The following MYT1 variants were observed in gnomAD, a reference collection of about 807,000 sequenced individuals.
MYT1 encodes the protein myelin transcription factor I.
A neutral mutation model predicts 123.0 loss-of-function variants in MYT1; 23 were observed. The observed-to-expected ratio is 0.19, with a 90% CI of 0.13 to 0.26. MYT1 has a LOEUF of 0.26. MYT1 is among the 10% of genes least tolerant of loss of function. The pLI is 1.00. For missense variants in MYT1, 1,125 were observed against 1,472.5 expected (o/e 0.76, Z 3.86); for synonymous variants, 518 against 575.3 (o/e 0.90, Z 1.43).
chr20:64,232,456 G>T lies in MYT1; in HGVS notation c.2897+71G>T. The T allele has an allele frequency of 6.7e-7, 1 of 1,489,092 alleles. No individual in the cohort carries two copies. Among genetic ancestry groups the T allele is most frequent in the Non-Finnish European group, 9.3e-7 (1 of 1,075,834 alleles). The allele number at this position is 1,489,092 out of a possible 1,614,324, so 92.2% of individuals were successfully genotyped here. On this transcript the variant is annotated intron_variant, in intron 19 of 22. Transcript: ENST00000328439. This position sits in a 1 kb window ranked among gnomAD's most constrained non-coding sequence, Gnocchi z 6.9. ...CCCTCGCCTGGGGCCTGGGGCTGAA[G>T]CTCCTGAGGGAGGGCCAGACCAGGG...
chr20:64,239,703 C>T, intron 21 of MYT1, 57 bp from the exon 22 acceptor site: 1 of 1,607,600 alleles, frequency 6.2e-7, no homozygotes, highest in Admixed American at 1.7e-5. Context: ...CCAGAGAGGA[C>T]CCCCAGGAGG....
At chr20:64,197,794 C>T (rs1441601513) in intron 2 of MYT1, among the ~76,000 whole-genome samples, 2 of 152,352 alleles carry the variant, frequency 1.3e-5, no homozygotes, top group East Asian at 3.9e-4. Context: ...GGGGGCTCCC[C>T]CATGACTCCC....
chr20:64,206,795 G>A (rs887573377), intron 6 of MYT1, among the ~76,000 whole-genome samples: 19 of 152,334 alleles, frequency 1.2e-4, no homozygotes, highest in African/African-American at 2.9e-4. Flanking sequence ...TTTCCCCTCC[G>A]AAGTAGGTGG....
At chr20:64,187,622 T>A (rs1982851883) in intron 1 of MYT1, among the ~76,000 whole-genome samples, 1 of 152,274 alleles carries the variant, frequency 6.6e-6, no homozygotes, top group South Asian at 2.1e-4. Context: ...GAGCTTTGTC[T>A]GGGGTGGAGC....
At chr20:64,210,359 G>T (rs1390003263) in intron 7 of MYT1, among the ~76,000 whole-genome samples, 2 of 152,260 alleles carry the variant, frequency 1.3e-5, no homozygotes, top group African/African-American at 4.8e-5. Flanking sequence ...GGGCACAGAT[G>T]CTGCGAGAAT....
chr20:64,227,761 C>T (rs1007430208), intron 17 of MYT1, 127 bp from the exon 18 acceptor site: 26 of 834,852 alleles, frequency 3.1e-5, no homozygotes, highest in South Asian at 5.4e-5. Context: ...ACTGACCCAT[C>T]GGTTGCCCTC....
rs6090071 is a variant in MYT1, at chr20:64,208,498, G to T, written c.1291+11G>T. 1.3e-6 allele frequency: 2 copies of T among 1,575,582 alleles called. No homozygotes were observed. Among genetic ancestry groups the T allele is most frequent in the Non-Finnish European group, 1.7e-6 (2 of 1,158,048 alleles). ...GTTACTACAGTAAAGGTAGGGCTCA[G>T]GGGTGGCCTGGCCCTGCAGACTCAT... is the stretch of plus-strand genomic sequence containing the variant. On this transcript the variant is annotated intron_variant, in intron 7 of 22. Transcript: ENST00000328439. This position sits in a 1 kb window ranked among gnomAD's most constrained non-coding sequence, Gnocchi z 5.4.
intron 6 of MYT1, among the ~76,000 whole-genome samples, chr20:64,207,262 A>T (rs1983509309): frequency 6.6e-6 from 1 of 152,228 alleles, no homozygotes. Flanking sequence ...TCCATTGTAT[A>T]CAATGCAGGT....
In MYT1 at chr20:64,241,927, A is replaced by AC. The variant is rs1984727608; in HGVS notation, c.*1479_*1480insC. 6.6e-6 allele frequency: 1 copy of AC among 152,304 alleles called. No individual in the cohort carries two copies. Among genetic ancestry groups the AC allele is most frequent in the Admixed American group, 6.5e-5 (1 of 15,286 alleles). 9.4% of individuals were successfully genotyped at this position (152,304 alleles called of 1,614,324 possible). ...AAAGACATTTTGGTTTTCTTTTTCC[A>AC]TTTTGGGTTCCTTTTGTTTCAGGCA... is the stretch of plus-strand genomic sequence containing the variant. On this transcript the variant is annotated 3_prime_UTR_variant, in exon 23 of 23. Coordinates refer to ENST00000328439, the MANE Select transcript of MYT1 (RefSeq NM_004535.3). The surrounding 1 kb of genome is among the most constrained non-coding windows in gnomAD (Gnocchi z 4.2).
At chr20:64,219,135 C>A in intron 12 of MYT1, 100 bp downstream of exon 12, 1 of 1,416,222 alleles carries the variant, frequency 7.1e-7, no homozygotes, top group Non-Finnish European at 9.5e-7. Context: ...CTAGGAATGG[C>A]TTGTGCCTAG....
intron 1 of MYT1, among the ~76,000 whole-genome samples, chr20:64,181,000 G>A (rs2145696600): frequency 6.6e-6 from 1 of 152,296 alleles, no homozygotes; most frequent in South Asian, 2.1e-4. Flanking sequence ...CCTGGGCATA[G>A]AGGACATGCC....
chr20:64,170,884 T>TATATATATATATAG (rs1569303821), intron 1 of MYT1, among the ~76,000 whole-genome samples: 1 of 20,002 alleles, frequency 5.0e-5, no homozygotes, highest in Non-Finnish European at 7.9e-5. Context: ...TATATATATA[T>TATATATATATATAG]AGAGAGAGAG....
At chr20:64,209,556 C>G (rs185783465) in intron 7 of MYT1, among the ~76,000 whole-genome samples, 50 of 152,236 alleles carry the variant, frequency 3.3e-4, no homozygotes, top group South Asian at 2.5e-3. Context: ...ATGAGTGCCC[C>G]CAGGAAGAGT....
chr20:64,207,848 C>A lies in MYT1; in HGVS notation c.652C>A (p.Pro218Thr). 6.2e-7 allele frequency: 1 copy of A among 1,613,578 alleles called. No homozygotes were observed. Among genetic ancestry groups the A allele is most frequent in the Non-Finnish European group, 8.5e-7 (1 of 1,179,916 alleles). The stretch of plus-strand genomic sequence containing the variant: ...GGGTGAAAAGGGCCTCTTCATCCAG[C>A]CAGAGGATGCCGAGGAGGTCGTCGA... ...EEGEKGLFIQ[P>T]EDAEEVVEVT... The change falls in exon 7 of 23, where the codon CCA (proline) becomes ACA (threonine). Residue 218 changes from proline to threonine, a missense_variant. Around this residue, in one of 4 missense-constraint regions of MYT1, gnomAD observed 406 missense variants for 432.2 expected, o/e 0.94. Transcript: ENST00000328439.
intron 1 of MYT1, among the ~76,000 whole-genome samples, chr20:64,187,809 C>G (rs956927239): frequency 2.0e-5 from 3 of 152,188 alleles, no homozygotes; most frequent in African/African-American, 7.2e-5. Context: ...GGTCCTCAGG[C>G]CCTTGTAAAG....
Position 64,208,824 on chromosome 20 carries a change from C to T in MYT1, c.1291+337C>T, listed in dbSNP as rs1343549651. 6.6e-6 allele frequency among the ~76,000 whole-genome samples: 1 copy of T among 152,192 alleles called. No homozygotes were observed. Among genetic ancestry groups the T allele is most frequent in the African/African-American group, 2.4e-5 (1 of 41,442 alleles). On this transcript the variant is annotated intron_variant, in intron 7 of 22. Coordinates refer to ENST00000328439, the MANE Select transcript of MYT1 (RefSeq NM_004535.3). This position sits in a 1 kb window ranked among gnomAD's most constrained non-coding sequence, Gnocchi z 5.4. ...GGTGGGGACCGTCCTGTCCCTTCCA[C>T]CCCAACTCACACTCGTGGCAGGGAT... is the stretch of plus-strand genomic sequence containing the variant.
chr20:64,238,858 C>T (rs1261477707), intron 21 of MYT1, among the ~76,000 whole-genome samples: 2 of 152,256 alleles, frequency 1.3e-5, no homozygotes, highest in African/African-American at 4.8e-5. Flanking sequence ...TCAGAAACCC[C>T]TGTCCATCTG....
chr20:64,208,904 T>C lies in MYT1; in HGVS notation c.1291+417T>C, dbSNP rs1184229379. ...CAGCCATGCTGGGTCATCCTGATCCTCTCGTGGGGTGGAGACCAGCAGGCA... is the reference window on the plus strand; with the variant it reads ...CAGCCATGCTGGGTCATCCTGATCCCCTCGTGGGGTGGAGACCAGCAGGCA... On this transcript the variant is annotated intron_variant, in intron 7 of 22. Transcript: ENST00000328439. This position sits in a 1 kb window ranked among gnomAD's most constrained non-coding sequence, Gnocchi z 5.4. Among the ~76,000 whole-genome samples, 1 of 152,088 alleles carries C rather than the reference T, an allele frequency of 6.6e-6. No homozygotes were observed. The highest frequency in any genetic ancestry group is 1.5e-5 in the Non-Finnish European group (1 of 67,978).
chr20:64,223,440 C>T (rs750549182), intron 16 of MYT1, 81 bp downstream of exon 16: 18 of 1,502,434 alleles, frequency 1.2e-5, no homozygotes, highest in Non-Finnish European at 1.6e-5. Context: ...CTGCCAAAAT[C>T]AGCCTTCTCC....
Sources: gnomAD v4.1 joint callset for allele counts (sites outside exome capture counted in the v4.1 genomes callset) on GRCh38, gnomAD v4.1.1 for gene constraint, gnomAD v4.1.1 regional missense constraint, Gnocchi (gnomAD v3.1) non-coding constraint, MANE v1.5 for transcripts, NCBI Gene and HGNC (gene_info 2026-07-23, HGNC 2026-07-21) for gene names.